ZNF831: variants seen among roughly 807,000 people sequenced by gnomAD.
The protein encoded by ZNF831 is chromosome 20 open reading frame 174.
ZNF831 carries 59 observed loss-of-function variants against 95.8 expected under a neutral mutation model. The ratio of observed to expected loss-of-function variants is 0.62; its 90% confidence interval spans 0.50 to 0.77. The LOEUF is 0.77. Ranked by LOEUF, ZNF831 falls within the 30% of genes least tolerant of loss-of-function variation. The pLI is 0.00. For missense variants in ZNF831, 2,205 were observed against 2,164.0 expected (o/e 1.02, Z -0.38); for synonymous variants, 961 against 925.5 (o/e 1.04, Z -0.70).
chr20:59,232,705 CCA>C (rs1986790760), intron 4 of ZNF831, among the ~76,000 whole-genome samples: 1 of 152,062 alleles, frequency 6.6e-6, no homozygotes, highest in African/African-American at 2.4e-5. Context: ...ATTTTGTACC[CCA>C]CACAGTGTTT....
intron 1 of ZNF831, among the ~76,000 whole-genome samples, chr20:59,170,064 G>C (rs1416877262): frequency 6.6e-6 from 1 of 151,886 alleles, no homozygotes; most frequent in East Asian, 1.9e-4. Flanking sequence ...TTTTACTACA[G>C]TCAAGTGGGA....
upstream of ZNF831, among the ~76,000 whole-genome samples, chr20:59,162,266 C>A (rs886415772): frequency 6.6e-6 from 1 of 152,056 alleles, no homozygotes; most frequent in East Asian, 1.9e-4. Flanking sequence ...AATTAGGTAC[C>A]AGTTGTCAAT....
In ZNF831 at chr20:59,194,805, T is replaced by G. The variant is rs781398168; in HGVS notation, c.3738+48T>G. 2.7e-6 allele frequency: 4 copies of G among 1,507,532 alleles called. No individual in the cohort carries two copies. The African/African-American group carries it at 5.6e-5, about 21-fold the overall frequency. 93.4% of individuals were successfully genotyped at this position (1,507,532 alleles called of 1,614,324 possible). Reference sequence around the variant, plus strand: ...GGCCCGGGGTTGAGAGAGCATGTTGTTATCCCGTAAGACCTCTCATGAGGG... The same window carrying G: ...GGCCCGGGGTTGAGAGAGCATGTTGGTATCCCGTAAGACCTCTCATGAGGG... On this transcript the variant is annotated intron_variant, in intron 2 of 5. Coordinates refer to ENST00000371030, the MANE Select transcript of ZNF831 (RefSeq NM_178457.3).
In ZNF831 at chr20:59,194,370, G is replaced by C. The variant is rs1568759098; in HGVS notation, c.3351G>C (p.Gly1117=). 1 of 1,611,612 alleles carries C rather than the reference G, an allele frequency of 6.2e-7. No individual in the cohort carries two copies. The highest frequency in any genetic ancestry group is 2.2e-5 in the East Asian group (1 of 44,868). ...PGNAPEDPSS[G]PLVGPDPCSP... ...ATGCCCCAGAAGATCCTTCTTCAGG[G>C]CCCCTGGTGGGCCCCGACCCGTGTT... The change falls in exon 2 of 6, where the codon GGG becomes GGC. Residue 1117 remains glycine (G), a synonymous_variant. Coordinates refer to ENST00000371030, the MANE Select transcript of ZNF831 (RefSeq NM_178457.3).
intron 1 of ZNF831, among the ~76,000 whole-genome samples, chr20:59,127,556 C>A (rs236720): frequency 0.76 from 114,897 of 152,086 alleles, 45,682 homozygotes; most frequent in East Asian, 0.95. Flanking sequence ...TTGACACGTG[C>A]TTTCCTCGAT....
rs1407992658 is a variant in ZNF831 at position 59,217,537 on chromosome 20, C to A, written c.4027+10481C>A. The stretch of plus-strand genomic sequence containing the variant: ...TTTAATAGCCATTTTCAAATTGCTT[C>A]CCAGTTTATACCCCTACCAGTAGCA... On this transcript the variant is annotated intron_variant, in intron 4 of 5. Coordinates refer to ENST00000371030, the MANE Select transcript of ZNF831 (RefSeq NM_178457.3). The surrounding 1 kb of genome is among the most constrained non-coding windows in gnomAD (Gnocchi z 4.4). Among the ~76,000 whole-genome samples the A allele has an allele frequency of 6.6e-6, 1 of 152,180 alleles. No homozygotes were observed. Among genetic ancestry groups the A allele is most frequent in the Non-Finnish European group, 1.5e-5 (1 of 68,020 alleles).
intron 4 of ZNF831, among the ~76,000 whole-genome samples, chr20:59,251,877 T>C (rs755670682): frequency 6.6e-6 from 1 of 152,198 alleles, no homozygotes; most frequent in Non-Finnish European, 1.5e-5. Flanking sequence ...TACTACAAGA[T>C]TCAGTGCTGA....
At chr20:59,128,295 C>A (rs1386759072) in intron 1 of ZNF831, among the ~76,000 whole-genome samples, 1 of 152,174 alleles carries the variant, frequency 6.6e-6, no homozygotes, top group African/African-American at 2.4e-5. Context: ...CTTTGATGAG[C>A]AGTGGCCAGC....
intron 4 of ZNF831, among the ~76,000 whole-genome samples, chr20:59,237,642 G>A (rs1987076303): frequency 6.6e-6 from 1 of 152,210 alleles, no homozygotes; most frequent in African/African-American, 2.4e-5. Flanking sequence ...TGTCTGCTGA[G>A]TTTCGGGAGC....
chr20:59,130,447 C>G (rs1341522385), intron 1 of ZNF831, among the ~76,000 whole-genome samples: 1 of 152,174 alleles, frequency 6.6e-6, no homozygotes, highest in African/African-American at 2.4e-5. Flanking sequence ...AAACAGACAC[C>G]TGATGGTTCT....
intron 3 of ZNF831, among the ~76,000 whole-genome samples, chr20:59,205,026 A>C (rs919124278): frequency 6.6e-6 from 1 of 152,134 alleles, no homozygotes; most frequent in African/African-American, 2.4e-5. Flanking sequence ...GCGAATTCAG[A>C]GGCGGGGCCT....
chr20:59,135,780 C>A (rs1979491371), intron 1 of ZNF831, among the ~76,000 whole-genome samples: 1 of 152,164 alleles, frequency 6.6e-6, no homozygotes, highest in Admixed American at 6.5e-5. Context: ...TGCCTGTGAT[C>A]CCAGTTATTA....
chr20:59,184,708 T>A (rs1982876008), intron 1 of ZNF831, among the ~76,000 whole-genome samples: 1 of 152,166 alleles, frequency 6.6e-6, no homozygotes, highest in Non-Finnish European at 1.5e-5. Context: ...ACGTATCCAA[T>A]ATGCTTCTCC....
intron 4 of ZNF831, among the ~76,000 whole-genome samples, chr20:59,246,017 T>C (rs1453319570): frequency 6.6e-6 from 1 of 152,208 alleles, no homozygotes; most frequent in Non-Finnish European, 1.5e-5. Context: ...AGGTAGACAT[T>C]GGCTTTGTTC....
chr20:59,145,796 G>C (rs925225770), intron 1 of ZNF831, among the ~76,000 whole-genome samples: 4 of 152,158 alleles, frequency 2.6e-5, no homozygotes, highest in African/African-American at 9.7e-5. Context: ...TGATTTCCCT[G>C]TCCATGTGAG....
At position 59,125,121 on chromosome 20, in the gene ZNF831, G is replaced by A. The variant is rs1979131159; in HGVS notation, c.-1425+1616G>A. The stretch of plus-strand genomic sequence containing the variant: ...GTTATTAGGACTAGATGTGATGCCT[G>A]TGACTACGTGAACCATCTTGTGAAT... On this transcript the variant is annotated intron_variant, in intron 1 of 7. Coordinates refer to the ZNF831 transcript ENST00000637017. Among the ~76,000 whole-genome samples, 4 of 152,188 alleles carry A rather than the reference G, an allele frequency of 2.6e-5. No homozygotes were observed. The South Asian group carries it at 8.3e-4, about 32-fold the overall frequency.
intron 4 of ZNF831, among the ~76,000 whole-genome samples, chr20:59,230,420 T>C (rs1986660810): frequency 6.6e-6 from 1 of 151,916 alleles, no homozygotes; most frequent in African/African-American, 2.4e-5. Flanking sequence ...TGCAGTGAGC[T>C]GATATCAAGC....
intron 2 of ZNF831, among the ~76,000 whole-genome samples, chr20:59,157,078 A>T (rs952479768): frequency 2.0e-5 from 3 of 152,320 alleles, no homozygotes; most frequent in Admixed American, 6.5e-5. Context: ...TGTTATAAAC[A>T]TTCTGATTAT....
rs371970658 is a variant in ZNF831 at position 59,249,674 on chromosome 20, A to G, written c.4028-3304A>G. On this transcript the variant is annotated intron_variant, in intron 4 of 5. Coordinates refer to ENST00000371030, the MANE Select transcript of ZNF831 (RefSeq NM_178457.3). ...TTGTGTGGAAGAAAAAAGCATTGCT[A>G]TCTTTCCCAAACTGTGCACTTCTCT... Among the ~76,000 whole-genome samples, 12 of 152,172 alleles carry G rather than the reference A, an allele frequency of 7.9e-5. No homozygotes were observed. The South Asian group carries it at 1.0e-3, about 13-fold the overall frequency.
Sources: allele counts gnomAD v4.1 joint callset (sites outside exome capture counted in the v4.1 genomes callset), GRCh38; gene constraint gnomAD v4.1.1; non-coding constraint Gnocchi (gnomAD v3.1); transcripts MANE v1.5; gene names NCBI Gene and HGNC (gene_info 2026-07-23, HGNC 2026-07-21).